HOOK3: variants seen among roughly 807,000 people sequenced by gnomAD.
The protein encoded by HOOK3 is hook microtubule tethering protein 3, also known as protein Hook homolog 3.
In HOOK3, 24 loss-of-function variants were observed where a neutral mutation model predicts 116.3. The observed-to-expected ratio is 0.21, with a 90% CI of 0.15 to 0.29. The LOEUF is 0.29. Among genes scored for constraint, HOOK3 ranks in the 10% least tolerant of loss-of-function variants. The pLI is 1.00. For missense variants in HOOK3, 632 were observed against 830.2 expected (o/e 0.76, Z 2.93); for synonymous variants, 275 against 283.0 (o/e 0.97, Z 0.28).
chr8:43,004,241 C>T (rs1217902500), intron 17 of HOOK3, among the ~76,000 whole-genome samples: 3 of 151,250 alleles, frequency 2.0e-5, no homozygotes, highest in South Asian at 2.1e-4. Context: ...GTGGCGTGCA[C>T]CTGTAATCCT....
rs752610642 is a variant in HOOK3 at position 42,986,673 on chromosome 8, T to G, written c.1410T>G (p.Leu470=). 1 of 1,611,682 alleles carries G rather than the reference T, an allele frequency of 6.2e-7. No homozygotes were observed. The highest frequency in any genetic ancestry group is 8.5e-7 in the Non-Finnish European group (1 of 1,179,130). Residue 470 remains leucine (L), a synonymous_variant, in exon 15 of 22, where the codon CTT becomes CTG. Coordinates refer to ENST00000307602, the MANE Select transcript of HOOK3 (RefSeq NM_032410.4). ...TPEIREKLIR[L]QHENKMLKLN... is the part of the protein sequence containing the mutation. ...CATTCAGGGAGAAACTTATTCGTCT[T>G]CAGCATGAGAATAAGATGTTAAAGC...
At chr8:42,966,437 A>T (rs777764105) in intron 9 of HOOK3, 36 bp from the exon 10 acceptor site, 1 of 1,607,780 alleles carries the variant, frequency 6.2e-7, no homozygotes, top group East Asian at 2.2e-5. Context: ...GAGGCAGTAA[A>T]TAGTGCTTTC....
Position 42,957,129 on chromosome 8 carries a change from T to C in HOOK3, c.504T>C (p.Asn168=), listed in dbSNP as rs201248518. 1.4e-5 allele frequency: 23 copies of C among 1,597,846 alleles called. No individual in the cohort carries two copies. Among genetic ancestry groups the C allele is most frequent in the Non-Finnish European group, 1.8e-5 (21 of 1,169,592 alleles). The part of the protein sequence containing the change: ...MSKESPVSAG[N]DAYVDLDRQL... ...AAGAATCTCCTGTCTCTGCTGGAAA[T>C]GATGCCTATGTTGACCTTGATCGTC... The change falls in exon 7 of 22, where the codon AAT becomes AAC. Residue 168 remains asparagine (N), a synonymous_variant. Coordinates refer to ENST00000307602, the MANE Select transcript of HOOK3 (RefSeq NM_032410.4).
intron 1 of HOOK3, among the ~76,000 whole-genome samples, chr8:42,903,968 A>G (rs1807250137): frequency 6.6e-6 from 1 of 152,036 alleles, no homozygotes; most frequent in Non-Finnish European, 1.5e-5. Flanking sequence ...AAACAAAACA[A>G]AACAAAAAGA....
intron 2 of HOOK3, among the ~76,000 whole-genome samples, chr8:42,920,472 C>T (rs1181532457): frequency 2.0e-5 from 3 of 152,180 alleles, no homozygotes; most frequent in African/African-American, 4.8e-5. Flanking sequence ...TGGAAACTTA[C>T]TAAGTGCTGT....
chr8:42,956,918 T>C (rs1808447494), intron 6 of HOOK3, among the ~76,000 whole-genome samples, 176 bp from the exon 7 acceptor site: 1 of 152,056 alleles, frequency 6.6e-6, no homozygotes, highest in Non-Finnish European at 1.5e-5. Context: ...TATTCTGGAG[T>C]GGGGACAAAA....
rs753512780 is a variant in HOOK3, at chr8:43,020,428, T to C, written c.*1930T>C. 1.9e-4 allele frequency: 36 copies of C among 189,152 alleles called. No individual in the cohort carries two copies. The highest frequency in any genetic ancestry group is 3.6e-4 in the Non-Finnish European group (32 of 89,958). The allele number at this position is 189,152 out of a possible 1,614,324, so 11.7% of individuals were successfully genotyped here. ...AGGATCCAACTATTTTTAAAGCAAA[T>C]TGGGGCCAGACGTGGTGCCTCACGC... is the stretch of plus-strand genomic sequence containing the variant. On this transcript the variant is annotated 3_prime_UTR_variant, in exon 22 of 22. Coordinates refer to ENST00000307602, the MANE Select transcript of HOOK3 (RefSeq NM_032410.4).
intron 2 of HOOK3, among the ~76,000 whole-genome samples, chr8:42,918,407 TG>T (rs1440051307): frequency 5.3e-5 from 8 of 151,736 alleles, no homozygotes; most frequent in South Asian, 2.1e-4. Flanking sequence ...AAAATTTAGG[TG>T]TTTTTTTTAA....
intron 5 of HOOK3, among the ~76,000 whole-genome samples, chr8:42,945,679 C>T (rs894199469): frequency 2.0e-5 from 3 of 152,012 alleles, no homozygotes; most frequent in Non-Finnish European, 2.9e-5. Flanking sequence ...TTAAGGTAGC[C>T]GCAGTTTTTT....
chr8:43,005,035 A>G (rs1809452135), intron 17 of HOOK3, among the ~76,000 whole-genome samples: 1 of 152,054 alleles, frequency 6.6e-6, no homozygotes, highest in South Asian at 2.1e-4. Flanking sequence ...ACAATAGAAT[A>G]CCAAACAATA....
At chr8:42,906,857 A>G (rs1376490882) in intron 2 of HOOK3, among the ~76,000 whole-genome samples, 1 of 152,204 alleles carries the variant, frequency 6.6e-6, no homozygotes, top group Admixed American at 6.5e-5. Context: ...TTTATGTTGA[A>G]CCATATGAAA....
At chr8:42,902,823 G>T (rs1807217966) in intron 1 of HOOK3, among the ~76,000 whole-genome samples, 1 of 152,158 alleles carries the variant, frequency 6.6e-6, no homozygotes, top group South Asian at 2.1e-4. Context: ...ATTCAAAGTG[G>T]CGTCCACTGA....
At chr8:42,994,096 A>G (rs1457752256) in intron 15 of HOOK3, among the ~76,000 whole-genome samples, 1 of 151,936 alleles carries the variant, frequency 6.6e-6, no homozygotes, top group Non-Finnish European at 1.5e-5. Context: ...GGCTCATGCA[A>G]CCTCCACCTC....
In HOOK3 at chr8:43,023,862, T is replaced by G. The variant is rs1193007376; in HGVS notation, c.*5364T>G. The stretch of plus-strand genomic sequence containing the variant: ...TCCTGCTCCCTCACAAAAATTCACC[T>G]GTCATTTTAATGATAACAGCATGTT... On this transcript the variant is annotated 3_prime_UTR_variant, in exon 22 of 22. Coordinates refer to ENST00000307602, the MANE Select transcript of HOOK3 (RefSeq NM_032410.4). 1 of 204,572 alleles carries G rather than the reference T, an allele frequency of 4.9e-6. No homozygotes were observed. Among genetic ancestry groups the G allele is most frequent in the Non-Finnish European group, 1.0e-5 (1 of 99,878 alleles). The allele number at this position is 204,572 out of a possible 1,614,324, so 12.7% of individuals were successfully genotyped here.
At position 42,945,891 on chromosome 8, in the gene HOOK3, A is replaced by G. The variant is rs546623377; in HGVS notation, c.400+2446A>G. On this transcript the variant is annotated intron_variant, in intron 5 of 21. Coordinates refer to ENST00000307602, the MANE Select transcript of HOOK3 (RefSeq NM_032410.4). ...TTTGAACTTTGTTGAAGTTACTTGAAGACCAGCTTTGATATATAGATAATA... is the reference window on the plus strand; with the variant it reads ...TTTGAACTTTGTTGAAGTTACTTGAGGACCAGCTTTGATATATAGATAATA... Among the ~76,000 whole-genome samples the G allele has an allele frequency of 2.6e-5, 4 of 152,268 alleles. No individual in the cohort carries two copies. The South Asian group carries it at 8.3e-4, about 32-fold the overall frequency.
At chr8:42,932,928 T>C (rs1201566925) in intron 4 of HOOK3, among the ~76,000 whole-genome samples, 2 of 152,240 alleles carry the variant, frequency 1.3e-5, no homozygotes, top group African/African-American at 4.8e-5. Flanking sequence ...TACTGTGATT[T>C]ATATTATATA....
chr8:42,997,795 A>G (rs570844673), intron 16 of HOOK3, 158 bp downstream of exon 16: 2 of 601,080 alleles, frequency 3.3e-6, no homozygotes, highest in African/African-American at 3.7e-5. Context: ...CCTTATAAAA[A>G]GGACCAGATA....
intron 16 of HOOK3, among the ~76,000 whole-genome samples, chr8:42,999,488 C>A (rs1037757335): frequency 1.3e-5 from 2 of 152,182 alleles, no homozygotes; most frequent in African/African-American, 4.8e-5. Flanking sequence ...CTTGCCCCAG[C>A]AAATATTTTT....
intron 18 of HOOK3, 71 bp downstream of exon 18, chr8:43,008,000 A>G (rs1207937585): frequency 4.2e-5 from 27 of 636,372 alleles, no homozygotes; most frequent in Non-Finnish European, 7.8e-6. Context: ...GTGAGTTTAC[A>G]TAATTTTTAA....
Sources: gnomAD v4.1 joint callset for allele counts (sites outside exome capture counted in the v4.1 genomes callset) on GRCh38, gnomAD v4.1.1 for gene constraint, MANE v1.5 for transcripts, NCBI Gene and HGNC (gene_info 2026-07-23, HGNC 2026-07-21) for gene names.